The following ZMYND8 variants were observed in gnomAD, a reference collection of about 807,000 sequenced individuals.
The protein encoded by ZMYND8 is MYND-type zinc finger-containing chromatin reader ZMYND8.
Under a neutral mutation model 140.8 loss-of-function variants are expected in ZMYND8, and 37 were observed. The observed-to-expected ratio is 0.26, with a 90% CI of 0.20 to 0.35. The LOEUF (loss-of-function observed/expected upper bound fraction) is 0.35, where lower values mean the gene tolerates loss of function less well. Ranked by LOEUF, ZMYND8 falls within the 10% of genes least tolerant of loss-of-function variation. ZMYND8 has a pLI of 1.00. For synonymous variants in ZMYND8, 592 were observed against 597.1 expected (o/e 0.99, Z 0.12); for missense variants, 1,068 against 1,570.0 (o/e 0.68, Z 5.40).
At chr20:47,306,049 C>T (rs2078455834) in intron 3 of ZMYND8, among the ~76,000 whole-genome samples, 1 of 152,092 alleles carries the variant, frequency 6.6e-6, no homozygotes, top group African/African-American at 2.4e-5. Flanking sequence ...CATGGTAAAC[C>T]TTAGGATGCT....
intron 8 of ZMYND8, among the ~76,000 whole-genome samples, chr20:47,284,546 TCTGGCCCCAGCCCAC>T (rs1266325652): frequency 6.6e-6 from 1 of 152,124 alleles, no homozygotes; most frequent in African/African-American, 2.4e-5. Context: ...CCACATGTGA[TCTGGCCCCAGCCCAC>T]CTGTCTCGGC....
chr20:47,344,739 A>C (rs1273898061), intron 2 of ZMYND8, among the ~76,000 whole-genome samples: 1 of 152,218 alleles, frequency 6.6e-6, no homozygotes, highest in Non-Finnish European at 1.5e-5. Flanking sequence ...AGGGGCTAAC[A>C]TGGGAACTCT....
intron 11 of ZMYND8, among the ~76,000 whole-genome samples, chr20:47,264,937 T>C (rs1338744128): frequency 6.6e-6 from 1 of 151,676 alleles, no homozygotes; most frequent in Non-Finnish European, 1.5e-5. Context: ...CTTGGGAGGC[T>C]GAGATGGGAG....
chr20:47,290,753 A>G (rs2077212966), intron 6 of ZMYND8, among the ~76,000 whole-genome samples: 1 of 151,648 alleles, frequency 6.6e-6, no homozygotes. Flanking sequence ...TACCATGCCC[A>G]GCTCATTTTG....
At chr20:47,271,926 G>A (rs539082109) in intron 11 of ZMYND8, among the ~76,000 whole-genome samples, 5 of 151,396 alleles carry the variant, frequency 3.3e-5, no homozygotes, top group Non-Finnish European at 7.4e-5. Flanking sequence ...CAAGTGATCC[G>A]CCCACCTCGG....
intron 2 of ZMYND8, among the ~76,000 whole-genome samples, chr20:47,331,797 G>A (rs1434706922): frequency 2.0e-5 from 3 of 152,166 alleles, no homozygotes; most frequent in African/African-American, 7.2e-5. Flanking sequence ...AACCTCCCCT[G>A]GAAAAGGCAA....
intron 10 of ZMYND8, among the ~76,000 whole-genome samples, chr20:47,280,664 T>C (rs1402715593): frequency 6.6e-6 from 1 of 152,128 alleles, no homozygotes; most frequent in Non-Finnish European, 1.5e-5. Flanking sequence ...TGTATTACTG[T>C]ATCAACCTAT....
At chr20:47,236,175 C>T (rs948151185) in intron 16 of ZMYND8, 151 bp downstream of exon 16, 13 of 838,380 alleles carry the variant, frequency 1.6e-5, no homozygotes, top group East Asian at 2.7e-5. Context: ...AATTAAAGAA[C>T]GTGGTCTTGG....
At chr20:47,289,256 A>G (rs1183622743) in intron 7 of ZMYND8, among the ~76,000 whole-genome samples, 4 of 152,240 alleles carry the variant, frequency 2.6e-5, no homozygotes, top group Admixed American at 6.5e-5. Context: ...ACATCGTGAC[A>G]TAATACTTTA....
intron 2 of ZMYND8, chr20:47,318,921 G>T: frequency 7.4e-7 from 1 of 1,342,352 alleles, no homozygotes; most frequent in Non-Finnish European, 9.8e-7. Flanking sequence ...AACATGCGAG[G>T]GGCAGGGAAC....
intron 3 of ZMYND8, among the ~76,000 whole-genome samples, chr20:47,304,433 G>A (rs1251306743): frequency 6.6e-6 from 1 of 152,230 alleles, no homozygotes; most frequent in Non-Finnish European, 1.5e-5. Context: ...GTACATAAAT[G>A]AATGACTGTA....
intron 3 of ZMYND8, among the ~76,000 whole-genome samples, chr20:47,302,629 T>C (rs536891785): frequency 6.6e-6 from 1 of 152,280 alleles, no homozygotes; most frequent in South Asian, 2.1e-4. Context: ...ACTTGGTTAC[T>C]TGGTTAAAGA....
intron 12 of ZMYND8, among the ~76,000 whole-genome samples, chr20:47,255,590 G>A (rs371034895): frequency 0.47 from 46,162 of 97,860 alleles, 8,751 homozygotes; most frequent in African/African-American, 0.5. Context: ...GTGTGTGTGT[G>A]TGTGTATATA....
intron 2 of ZMYND8, among the ~76,000 whole-genome samples, chr20:47,341,437 G>T (rs180829272): frequency 6.7e-6 from 1 of 149,724 alleles, no homozygotes; most frequent in East Asian, 2.0e-4. Flanking sequence ...TGGGGCAGAA[G>T]AATTGCTTGA....
chr20:47,286,932 C>T lies in ZMYND8; in HGVS notation c.804+297G>A, dbSNP rs181292774. Among the ~76,000 whole-genome samples, 1,164 of 152,244 alleles carry T rather than the reference C, an allele frequency of 7.6e-3. 19 individuals carry two copies. Among genetic ancestry groups the T allele is most frequent in the African/African-American group, 0.026 (1,093 of 41,530 alleles). On this transcript the variant is annotated intron_variant, in intron 8 of 22. Coordinates refer to ENST00000471951, the MANE Select transcript of ZMYND8 (RefSeq NM_001281775.3). ...GCTGTGGGGCCAAGGTCAGAAATTA[C>T]GAATTCTATCTAGGCAATCAGGAAA...
chr20:47,301,935 A>G (rs1480233576), intron 3 of ZMYND8, among the ~76,000 whole-genome samples: 1 of 152,092 alleles, frequency 6.6e-6, no homozygotes, highest in African/African-American at 2.4e-5. Context: ...AAGTTCTCAC[A>G]AGATCTGATG....
At chr20:47,243,880 A>G (rs1397514136) in intron 14 of ZMYND8, among the ~76,000 whole-genome samples, 3 of 152,234 alleles carry the variant, frequency 2.0e-5, no homozygotes, top group African/African-American at 7.2e-5. Flanking sequence ...GTTCTCTGCA[A>G]CAACAGAGAC....
intron 2 of ZMYND8, among the ~76,000 whole-genome samples, chr20:47,334,964 G>A (rs1201633115): frequency 1.3e-5 from 2 of 151,984 alleles, no homozygotes; most frequent in African/African-American, 4.8e-5. Flanking sequence ...GGAGAACTGG[G>A]CCCAGGAGTG....
At chr20:47,264,637 A>T (rs1377325161) in intron 11 of ZMYND8, among the ~76,000 whole-genome samples, 1 of 150,914 alleles carries the variant, frequency 6.6e-6, no homozygotes, top group Non-Finnish European at 1.5e-5. Context: ...GAATTGGCCT[A>T]GCACGTGGCA....
Sources: allele counts gnomAD v4.1 joint callset (sites outside exome capture counted in the v4.1 genomes callset), GRCh38; gene constraint gnomAD v4.1.1; transcripts MANE v1.5; gene names NCBI Gene and HGNC (gene_info 2026-07-23, HGNC 2026-07-21).